The following MAPK4 variants were observed in gnomAD, a reference collection of about 807,000 sequenced individuals.
MAPK4 encodes mitogen-activated protein kinase 4.
A neutral mutation model predicts 47.7 loss-of-function variants in MAPK4; 22 were observed. The observed-to-expected ratio is 0.46, with a 90% CI of 0.33 to 0.66. The LOEUF (loss-of-function observed/expected upper bound fraction) is 0.66, where lower values mean the gene tolerates loss of function less well. Ranked by LOEUF, MAPK4 falls within the 30% of genes least tolerant of loss-of-function variation. The probability of loss-of-function intolerance (pLI) is 0.02; values close to 1 mark genes in which losing one functional copy is unlikely to be tolerated. For missense variants in MAPK4, 736 were observed against 831.7 expected, an observed-to-expected ratio of 0.88 and a Z score of 1.42; for synonymous variants, 390 against 365.7, an observed-to-expected ratio of 1.07 and a Z score of -0.76.
chr18:50,601,010 C>A (rs2042532382), intron 1 of MAPK4, among the ~76,000 whole-genome samples: 1 of 150,914 alleles, frequency 6.6e-6, no homozygotes, highest in Non-Finnish European at 1.5e-5. Context: ...GTAATCCCAG[C>A]ACTTTGGAAG....
chr18:50,686,740 G>T (rs578102289), intron 2 of MAPK4, among the ~76,000 whole-genome samples: 12 of 152,184 alleles, frequency 7.9e-5, no homozygotes, highest in Non-Finnish European at 1.3e-4. Context: ...TGGTACTCAC[G>T]GCCATCCAGA....
chr18:50,708,021 G>T (rs1227123395), intron 2 of MAPK4, among the ~76,000 whole-genome samples: 2 of 152,326 alleles, frequency 1.3e-5, no homozygotes, highest in East Asian at 3.9e-4. Flanking sequence ...TACTTTAGCT[G>T]CGTAATAGAA....
intron 1 of MAPK4, among the ~76,000 whole-genome samples, chr18:50,602,645 A>T (rs2042550625): frequency 6.6e-6 from 1 of 152,230 alleles, no homozygotes; most frequent in Non-Finnish European, 1.5e-5. Flanking sequence ...AGTATGCTTG[A>T]AATCTATACC....
At chr18:50,569,966 C>T (rs924412930) in intron 1 of MAPK4, among the ~76,000 whole-genome samples, 5 of 152,240 alleles carry the variant, frequency 3.3e-5, no homozygotes, top group Non-Finnish European at 5.9e-5. Context: ...ACCTGAAATT[C>T]CTCCCTATCT....
chr18:50,581,736 G>T (rs914914116), intron 1 of MAPK4, among the ~76,000 whole-genome samples: 7 of 152,202 alleles, frequency 4.6e-5, no homozygotes, highest in African/African-American at 1.7e-4. Context: ...CCATGCACCT[G>T]TGGGTAGAAT....
intron 2 of MAPK4, among the ~76,000 whole-genome samples, chr18:50,708,093 T>C (rs961922383): frequency 6.6e-6 from 1 of 152,196 alleles, no homozygotes; most frequent in Non-Finnish European, 1.5e-5. Context: ...GTTCCCTCCC[T>C]CAATTTGAGA....
intron 5 of MAPK4, 21 bp from the exon 6 acceptor site, chr18:50,729,137 G>T (rs1336922812): frequency 2.0e-6 from 3 of 1,530,188 alleles, no homozygotes; most frequent in Non-Finnish European, 2.7e-6. Context: ...TCCAATCACC[G>T]CTCTGTTTGT....
chr18:50,607,045 TC>T (rs1364167331), intron 1 of MAPK4, among the ~76,000 whole-genome samples: 2 of 152,228 alleles, frequency 1.3e-5, no homozygotes, highest in African/African-American at 2.4e-5. Context: ...TGATGCTGTT[TC>T]TTACTGCAGC....
intron 1 of MAPK4, among the ~76,000 whole-genome samples, chr18:50,614,398 A>G (rs2042666230): frequency 6.6e-6 from 1 of 152,166 alleles, no homozygotes; most frequent in Non-Finnish European, 1.5e-5. Context: ...ATATCTAAAT[A>G]TCTAAAATTT....
intron 1 of MAPK4, among the ~76,000 whole-genome samples, chr18:50,580,645 C>A (rs1406754864): frequency 6.6e-6 from 1 of 152,168 alleles, no homozygotes; most frequent in African/African-American, 2.4e-5. Context: ...ACAGTGGGAA[C>A]CATCCTAGAC....
intron 2 of MAPK4, among the ~76,000 whole-genome samples, chr18:50,677,077 T>C (rs1157076489): frequency 6.6e-6 from 1 of 152,140 alleles, no homozygotes; most frequent in East Asian, 1.9e-4. Flanking sequence ...GCTCTAACCC[T>C]ATTGTGAACT....
At chr18:50,655,953 T>G (rs2043105669) in intron 1 of MAPK4, among the ~76,000 whole-genome samples, 1 of 152,154 alleles carries the variant, frequency 6.6e-6, no homozygotes, top group South Asian at 2.1e-4. Flanking sequence ...CCTCTCTATA[T>G]GCCAGACACT....
In MAPK4 at chr18:50,664,243, G is replaced by A. The variant is rs1047768083; in HGVS notation, c.285G>A (p.Leu95=). ...AGGGCACTGACCTGCAGGGTGAGCT[G>A]TTCAAGTTCAGCGTGGCGTACATCG... is the stretch of plus-strand genomic sequence containing the variant. The part of the protein sequence containing the change: ...GPKGTDLQGE[L]FKFSVAYIVQ... Residue 95 remains leucine, a synonymous_variant, in exon 2 of 6, where the codon CTG becomes CTA. Transcript: ENST00000400384. The surrounding 1 kb of genome is among the most constrained non-coding windows in gnomAD (Gnocchi z 6.0). 6.2e-7 allele frequency: 1 copy of A among 1,614,010 alleles called. No homozygotes were observed.
intron 2 of MAPK4, among the ~76,000 whole-genome samples, chr18:50,687,348 C>G (rs1382848261): frequency 1.3e-5 from 2 of 152,206 alleles, no homozygotes; most frequent in Non-Finnish European, 2.9e-5. Context: ...TTAGAAGCAT[C>G]CTTGGCCGCT....
At chr18:50,672,259 G>A (rs1021334666) in intron 2 of MAPK4, among the ~76,000 whole-genome samples, 21 of 152,196 alleles carry the variant, frequency 1.4e-4, no homozygotes, top group Non-Finnish European at 2.8e-4. Context: ...GATTTCATGG[G>A]AAAATGAGCT....
chr18:50,727,079 C>T (rs1911241470), intron 5 of MAPK4, among the ~76,000 whole-genome samples: 1 of 152,334 alleles, frequency 6.6e-6, no homozygotes, highest in Non-Finnish European at 1.5e-5. Context: ...GAAGCCACTA[C>T]CAATGAATCA....
rs1907409723 is a variant in MAPK4, at chr18:50,663,685, A to G, written c.-274A>G. ...GAAATATGAGCCATTCTAAGCTTTA[A>G]GAAGGGTTCAGGAAACACAGGAATT... On this transcript the variant is annotated 5_prime_UTR_variant, in exon 2 of 6. An upstream open reading frame in the 5' UTR loses its in-frame stop. Transcript: ENST00000400384. The G allele has an allele frequency of 3.0e-6, 1 of 327,898 alleles. No individual in the cohort carries two copies. Among genetic ancestry groups the G allele is most frequent in the African/African-American group, 2.1e-5 (1 of 48,046 alleles). 20.3% of individuals were successfully genotyped at this position (327,898 alleles called of 1,614,324 possible). A position where few individuals can be genotyped will look rare whatever the true frequency, so the allele number is the denominator to read the frequency against.
chr18:50,574,041 G>A (rs764176126), intron 1 of MAPK4, among the ~76,000 whole-genome samples: 5 of 152,094 alleles, frequency 3.3e-5, no homozygotes, highest in Non-Finnish European at 5.9e-5. Context: ...CCACATCGGC[G>A]TTCTTTTATC....
intron 1 of MAPK4, among the ~76,000 whole-genome samples, chr18:50,611,185 C>T (rs2042629870): frequency 6.6e-6 from 1 of 152,150 alleles, no homozygotes; most frequent in Non-Finnish European, 1.5e-5. Flanking sequence ...AGTTTGAGTT[C>T]AGGAAAGGGA....
Sources: allele counts gnomAD v4.1 joint callset (sites outside exome capture counted in the v4.1 genomes callset), GRCh38; gene constraint gnomAD v4.1.1; non-coding constraint Gnocchi (gnomAD v3.1); transcripts MANE v1.5; gene names NCBI Gene and HGNC (gene_info 2026-07-23, HGNC 2026-07-21).